EVI5: variants seen among roughly 807,000 people sequenced by gnomAD.
The protein encoded by EVI5 is ecotropic viral integration site 5, also known as ecotropic viral integration site 5 protein homolog.
In EVI5, 73 loss-of-function variants were observed where a neutral mutation model predicts 112.0. The ratio of observed to expected loss-of-function variants is 0.65; its 90% confidence interval spans 0.54 to 0.79. EVI5 has a LOEUF of 0.79. Ranked by LOEUF, EVI5 falls within the 30% of genes least tolerant of loss-of-function variation. The pLI, the probability that EVI5 is intolerant of heterozygous loss-of-function variation, is 0.00. For missense variants in EVI5, 900 were observed against 968.8 expected (o/e 0.93, Z 0.94); for synonymous variants, 305 against 319.9 (o/e 0.95, Z 0.50).
chr1:92,595,170 G>A (rs536115517), intron 18 of EVI5, among the ~76,000 whole-genome samples: 1 of 152,008 alleles, frequency 6.6e-6, no homozygotes, highest in East Asian at 1.9e-4. Flanking sequence ...CAACCCAAAT[G>A]TCCAACAATG....
chr1:92,520,297 C>T (rs969688492), intron 19 of EVI5, among the ~76,000 whole-genome samples: 8 of 152,134 alleles, frequency 5.3e-5, no homozygotes, highest in Non-Finnish European at 1.0e-4. Flanking sequence ...CCAGGCCTGT[C>T]TTCAGTCTCC....
chr1:92,726,417 T>A (rs1254490298), intron 2 of EVI5, among the ~76,000 whole-genome samples: 1 of 152,234 alleles, frequency 6.6e-6, no homozygotes, highest in East Asian at 1.9e-4. Flanking sequence ...ATTAAAATAT[T>A]TGGAAAATAA....
At chr1:92,741,603 A>G (rs1678418659) in intron 1 of EVI5, among the ~76,000 whole-genome samples, 1 of 152,196 alleles carries the variant, frequency 6.6e-6, no homozygotes, top group Non-Finnish European at 1.5e-5. Context: ...GGTACAATTC[A>G]GAAAACTGGG....
intron 18 of EVI5, among the ~76,000 whole-genome samples, chr1:92,587,223 G>T (rs928801768): frequency 1.8e-4 from 27 of 151,966 alleles, no homozygotes; most frequent in African/African-American, 6.5e-4. Flanking sequence ...GTCTATGTAC[G>T]TATTTTCCTG....
chr1:92,577,307 C>T (rs1370845355), intron 18 of EVI5, among the ~76,000 whole-genome samples: 4 of 152,248 alleles, frequency 2.6e-5, no homozygotes, highest in Non-Finnish European at 5.9e-5. Flanking sequence ...TTAATTTTCA[C>T]TTCAGAATAT....
chr1:92,721,182 T>C (rs1452108039), intron 2 of EVI5, among the ~76,000 whole-genome samples: 1 of 152,220 alleles, frequency 6.6e-6, no homozygotes, highest in African/African-American at 2.4e-5. Flanking sequence ...ACTGGGTATA[T>C]ACCCAAAGGA....
intron 5 of EVI5, among the ~76,000 whole-genome samples, chr1:92,699,091 C>A (rs1254401811): frequency 6.6e-6 from 1 of 152,170 alleles, no homozygotes; most frequent in African/African-American, 2.4e-5. Context: ...AATAACAAGA[C>A]ATTTTTCCTG....
intron 9 of EVI5, among the ~76,000 whole-genome samples, chr1:92,677,469 A>G (rs949483575): frequency 6.6e-5 from 10 of 152,208 alleles, no homozygotes; most frequent in Non-Finnish European, 1.0e-4. Flanking sequence ...ATAAAGCACA[A>G]AATGCAACTT....
In EVI5 at chr1:92,607,345, C is replaced by T. The variant is rs540535856; in HGVS notation, c.1974+236G>A. 7.8e-5 allele frequency: 29 copies of T among 369,428 alleles called. No homozygotes were observed. In the Admixed American group the frequency reaches 1.2e-3, roughly 16 times the overall value. The allele number at this position is 369,428 out of a possible 1,614,324, so 22.9% of individuals were successfully genotyped here. On this transcript the variant is annotated intron_variant, in intron 17 of 19. Transcript: ENST00000684568. Reference sequence around the variant, plus strand: ...AAAGAAATACTAGTAAATGCCAATCCAGGAAATTAAATTAACCAAGGAAGT... The same window carrying T: ...AAAGAAATACTAGTAAATGCCAATCTAGGAAATTAAATTAACCAAGGAAGT...
At chr1:92,573,976 T>C (rs1670667541) in intron 18 of EVI5, among the ~76,000 whole-genome samples, 1 of 152,082 alleles carries the variant, frequency 6.6e-6, no homozygotes, top group South Asian at 2.1e-4. Context: ...AAAGAGACCA[T>C]GGCAATAAAT....
intron 19 of EVI5, among the ~76,000 whole-genome samples, chr1:92,517,233 A>G (rs1373473343): frequency 6.6e-6 from 1 of 152,236 alleles, no homozygotes; most frequent in South Asian, 2.1e-4. Flanking sequence ...ATCATCACCT[A>G]AACAATACAG....
At chr1:92,555,652 C>G (rs933150821) in intron 19 of EVI5, among the ~76,000 whole-genome samples, 2 of 152,042 alleles carry the variant, frequency 1.3e-5, no homozygotes, top group Non-Finnish European at 2.9e-5. Flanking sequence ...GAGTTCAAGA[C>G]CAGCCTGGGC....
At chr1:92,609,380 G>C (rs1651207490) in intron 16 of EVI5, among the ~76,000 whole-genome samples, 1 of 151,940 alleles carries the variant, frequency 6.6e-6, no homozygotes, top group East Asian at 1.9e-4. Context: ...TTTTTTTTGA[G>C]ACAGTCTCAC....
chr1:92,633,392 C>G (rs12397608), intron 14 of EVI5, among the ~76,000 whole-genome samples: 1 of 152,196 alleles, frequency 6.6e-6, no homozygotes, highest in Admixed American at 6.5e-5. Context: ...ATAGTTAGCT[C>G]TTCTTGTTGA....
intron 19 of EVI5, 56 bp from the exon 20 acceptor site, chr1:92,514,026 A>G: frequency 1.9e-6 from 2 of 1,046,602 alleles, no homozygotes; most frequent in Non-Finnish European, 2.8e-6. Context: ...CACACACGCC[A>G]AAAAGCAAAC....
At chr1:92,566,804 T>C (rs534008925) in intron 18 of EVI5, among the ~76,000 whole-genome samples, 1 of 90,596 alleles carries the variant, frequency 1.1e-5, no homozygotes. Context: ...GTGTGCCTGC[T>C]TTTTTTTTTT....
At chr1:92,534,002 A>C (rs778527280) in intron 19 of EVI5, among the ~76,000 whole-genome samples, 8 of 152,238 alleles carry the variant, frequency 5.3e-5, no homozygotes, top group Non-Finnish European at 8.8e-5. Flanking sequence ...CTCTGTTTGC[A>C]GATGACATGA....
intron 1 of EVI5, among the ~76,000 whole-genome samples, chr1:92,759,056 C>T (rs1570806267): frequency 6.6e-6 from 1 of 152,046 alleles, no homozygotes; most frequent in African/African-American, 2.4e-5. Context: ...TGGTGAAACC[C>T]CATCTCTACC....
At chr1:92,538,167 T>C (rs943073251) in intron 19 of EVI5, among the ~76,000 whole-genome samples, 8 of 152,216 alleles carry the variant, frequency 5.3e-5, no homozygotes, top group Non-Finnish European at 1.0e-4. Flanking sequence ...TGCCACTGAA[T>C]GTCTTCTTCC....
Sources: gnomAD v4.1 joint callset for allele counts (sites outside exome capture counted in the v4.1 genomes callset) on GRCh38, gnomAD v4.1.1 for gene constraint, MANE v1.5 for transcripts, NCBI Gene and HGNC (gene_info 2026-07-23, HGNC 2026-07-21) for gene names.